The following GHR variants were observed in gnomAD, a reference collection of about 807,000 sequenced individuals.
GHR encodes the protein GH receptor.
GHR carries 35 observed loss-of-function variants against 67.1 expected under a neutral mutation model. That is an observed-to-expected ratio of 0.52 (90% CI 0.40 to 0.69). GHR has a LOEUF of 0.69. GHR is among the 30% of genes least tolerant of loss of function. The probability of loss-of-function intolerance (pLI) is 0.00; values close to 1 mark genes in which losing one functional copy is unlikely to be tolerated. For synonymous variants in GHR, 272 were observed against 269.1 expected, an observed-to-expected ratio of 1.01 and a Z score of -0.10; for missense variants, 792 against 764.6, an observed-to-expected ratio of 1.04 and a Z score of -0.42.
chr5:42,523,578 T>A (rs1387727334), intron 1 of GHR, among the ~76,000 whole-genome samples: 1 of 152,146 alleles, frequency 6.6e-6, no homozygotes, highest in Non-Finnish European at 1.5e-5. Flanking sequence ...AATCACTAAA[T>A]GTTGTGTGTG....
intron 1 of GHR, among the ~76,000 whole-genome samples, chr5:42,529,224 GATGGTC>G (rs1288015117): frequency 6.6e-6 from 1 of 152,036 alleles, no homozygotes; most frequent in Admixed American, 6.6e-5. Flanking sequence ...TATTAGCCAG[GATGGTC>G]TTCATCTCCT....
chr5:42,474,325 G>GAAAGAAAGAAAGAAAGAAAGAAAGAAAGA (rs1554054628), intron 1 of GHR, among the ~76,000 whole-genome samples: 2 of 132,298 alleles, frequency 1.5e-5, no homozygotes, highest in Admixed American at 7.5e-5. Context: ...AAGAAAGAAA[G>GAAAGAAAGAAAGAAAGAAAGAAAGAAAGA]AAAGAAAGAA....
At chr5:42,456,400 C>T (rs559191040) in intron 1 of GHR, among the ~76,000 whole-genome samples, 24 of 152,146 alleles carry the variant, frequency 1.6e-4, no homozygotes, top group Non-Finnish European at 2.9e-4. Flanking sequence ...TGATATATTT[C>T]TGTTTTAAGG....
intron 1 of GHR, among the ~76,000 whole-genome samples, chr5:42,496,146 T>A (rs1746312325): frequency 6.6e-6 from 1 of 152,184 alleles, no homozygotes; most frequent in Non-Finnish European, 1.5e-5. Context: ...GTTGAGGCGA[T>A]GCAATTGGGA....
intron 1 of GHR, among the ~76,000 whole-genome samples, chr5:42,463,208 A>G (rs1744561101): frequency 6.6e-6 from 1 of 152,210 alleles, no homozygotes; most frequent in African/African-American, 2.4e-5. Context: ...ATAATTTAAT[A>G]AGCAGAGTTT....
intron 3 of GHR, among the ~76,000 whole-genome samples, chr5:42,656,240 C>A (rs76826215): frequency 0.016 from 2,409 of 152,262 alleles, 22 homozygotes; most frequent in Middle Eastern, 0.051. Flanking sequence ...AGGCTTTATG[C>A]AACTCTTACA....
intron 1 of GHR, among the ~76,000 whole-genome samples, chr5:42,481,545 C>T (rs1745637771): frequency 6.6e-6 from 1 of 152,204 alleles, no homozygotes; most frequent in African/African-American, 2.4e-5. Context: ...TAGATTTGGT[C>T]TTTTCACATA....
chr5:42,668,005 A>C (rs1756079297), intron 3 of GHR, among the ~76,000 whole-genome samples: 1 of 152,084 alleles, frequency 6.6e-6, no homozygotes, highest in African/African-American at 2.4e-5. Context: ...TATGTACGTG[A>C]GTTATTTCCT....
intron 1 of GHR, among the ~76,000 whole-genome samples, chr5:42,503,675 G>A (rs1328273845): frequency 6.6e-6 from 1 of 152,168 alleles, no homozygotes; most frequent in Non-Finnish European, 1.5e-5. Context: ...TATCATGTCA[G>A]GTAGAGATAA....
chr5:42,484,817 T>G (rs1745806701), intron 1 of GHR, among the ~76,000 whole-genome samples: 1 of 152,212 alleles, frequency 6.6e-6, no homozygotes, highest in Non-Finnish European at 1.5e-5. Context: ...CCTATGGAAA[T>G]GGAATCAGTT....
At chr5:42,507,623 G>C (rs961893950) in intron 1 of GHR, among the ~76,000 whole-genome samples, 1 of 152,220 alleles carries the variant, frequency 6.6e-6, no homozygotes, top group African/African-American at 2.4e-5. Flanking sequence ...AGAAGTATGG[G>C]TAGGATTAAA....
chr5:42,479,162 G>T (rs1298845814), intron 1 of GHR, among the ~76,000 whole-genome samples: 1 of 152,110 alleles, frequency 6.6e-6, no homozygotes, highest in African/African-American at 2.4e-5. Context: ...TTTGTCTTTG[G>T]TTCTGTTTAT....
chr5:42,580,447 C>A (rs1561140516), intron 2 of GHR, among the ~76,000 whole-genome samples: 1 of 152,146 alleles, frequency 6.6e-6, no homozygotes, highest in Non-Finnish European at 1.5e-5. Context: ...CTATGGAAAA[C>A]TGCCCCATTT....
intron 1 of GHR, among the ~76,000 whole-genome samples, chr5:42,547,808 G>A (rs1222034382): frequency 1.3e-5 from 2 of 151,868 alleles, no homozygotes; most frequent in Non-Finnish European, 1.5e-5. Flanking sequence ...GATTTCTAAT[G>A]AGCAATGAAA....
Position 42,695,027 on chromosome 5 carries a change from G to T in GHR, c.377G>T (p.Cys126Phe). Residue 126 changes from cysteine to phenylalanine, a missense_variant, in exon 5 of 10, where the codon TGT becomes TTT. Cys to Phe is a radical substitution (Grantham distance 205). Transcript: ENST00000230882. ...TTTACCTCCATCTGGATACCTTATT[G>T]TATCAAGCTAACTAGCAATGGTGGT... The part of the protein sequence containing the change: ...SSFTSIWIPY[C>F]IKLTSNGGTV... The T allele has an allele frequency of 6.2e-7, 1 of 1,610,508 alleles. No homozygotes were observed.
chr5:42,716,358 A>G (rs1272097254), intron 8 of GHR, among the ~76,000 whole-genome samples: 1 of 152,188 alleles, frequency 6.6e-6, no homozygotes, highest in African/African-American at 2.4e-5. Flanking sequence ...ATAAGGATTA[A>G]GTGAAATGTT....
chr5:42,666,892 A>G (rs572990705), intron 3 of GHR, among the ~76,000 whole-genome samples: 1 of 152,220 alleles, frequency 6.6e-6, no homozygotes, highest in Non-Finnish European at 1.5e-5. Flanking sequence ...AGGAATAAGG[A>G]AACTTGCCAC....
At chr5:42,544,294 C>T (rs1173236089) in intron 1 of GHR, among the ~76,000 whole-genome samples, 2 of 152,120 alleles carry the variant, frequency 1.3e-5, no homozygotes, top group African/African-American at 4.8e-5. Flanking sequence ...TATTCAGCCT[C>T]ACTAATTCTC....
At chr5:42,502,440 A>G (rs773052496) in intron 1 of GHR, among the ~76,000 whole-genome samples, 2 of 152,234 alleles carry the variant, frequency 1.3e-5, no homozygotes, top group Non-Finnish European at 2.9e-5. Context: ...TTTGCTCTTT[A>G]TAACACATGA....
Sources: gnomAD v4.1 joint callset for allele counts (sites outside exome capture counted in the v4.1 genomes callset) on GRCh38, gnomAD v4.1.1 for gene constraint, MANE v1.5 for transcripts, NCBI Gene and HGNC (gene_info 2026-07-23, HGNC 2026-07-21) for gene names.